The following CIP2A variants were observed in gnomAD, a reference collection of about 807,000 sequenced individuals.
CIP2A encodes cellular inhibitor of PP2A.
CIP2A carries 103 observed loss-of-function variants against 110.9 expected under a neutral mutation model. The ratio of observed to expected loss-of-function variants is 0.93; its 90% CI spans 0.79 to 1.09. The LOEUF (loss-of-function observed/expected upper bound fraction) is 1.09. Among genes scored for constraint, CIP2A ranks in the 50% least tolerant of loss-of-function variants. CIP2A has a pLI of 0.00. For synonymous variants in CIP2A, 381 were observed against 361.6 expected, an observed-to-expected ratio of 1.05 and a Z score of -0.61; for missense variants, 1,088 against 1,038.4, an observed-to-expected ratio of 1.05 and a Z score of -0.66.
chr3:108,575,893 A>ATAC (rs370166708), intron 8 of CIP2A, among the ~76,000 whole-genome samples: 889 of 70,964 alleles, frequency 0.013, 265 homozygotes, highest in East Asian at 0.045. Context: ...CATGTGTATG[A>ATAC]GTATATATAC....
intron 4 of CIP2A, 58 bp downstream of exon 4, chr3:108,582,050 T>C: frequency 1.3e-6 from 1 of 795,252 alleles, no homozygotes; most frequent in Non-Finnish European, 2.0e-6. Context: ...TACCACATGG[T>C]TGTAATTTAA....
At chr3:108,572,517 A>C (rs2969902) in intron 8 of CIP2A, among the ~76,000 whole-genome samples, 97,129 of 151,656 alleles carry the variant, frequency 0.64, 31,622 homozygotes, top group African/African-American at 0.76. Context: ...CTGCTCCATT[A>C]TGTTCCACTG....
chr3:108,560,001 T>C lies in CIP2A; in HGVS notation c.1855A>G (p.Ile619Val). 6.2e-7 allele frequency: 1 copy of C among 1,600,386 alleles called. No individual in the cohort carries two copies. The highest frequency in any genetic ancestry group is 8.5e-7 in the Non-Finnish European group (1 of 1,169,828). The change falls in exon 15 of 21, where the codon ATA becomes GTA. Residue 619 changes from isoleucine to valine, a missense_variant. Ile to Val is a conservative substitution (Grantham distance 29). Transcript: ENST00000295746. The stretch of plus-strand genomic sequence containing the variant: ...TCATATACATCCATTATGTCAGATA[T>C]TCTCACATCACAAATCTGATCCTTT... ...VVKDQICDVRISDIMDVYEMK... is the reference protein window; with the variant it reads ...VVKDQICDVRVSDIMDVYEMK...
intron 5 of CIP2A, among the ~76,000 whole-genome samples, chr3:108,580,947 G>A (rs1359489934): frequency 6.6e-6 from 1 of 152,108 alleles, no homozygotes; most frequent in African/African-American, 2.4e-5. Context: ...TTCTAAAAGT[G>A]ATTCAGTTAA....
intron 18 of CIP2A, among the ~76,000 whole-genome samples, chr3:108,554,175 C>T (rs957964873): frequency 6.6e-6 from 1 of 152,050 alleles, no homozygotes; most frequent in Admixed American, 6.6e-5. Flanking sequence ...GGATTATAGG[C>T]GTGAGCTACC....
chr3:108,580,988 T>G (rs1030033182), intron 5 of CIP2A, among the ~76,000 whole-genome samples: 4 of 152,232 alleles, frequency 2.6e-5, no homozygotes, highest in African/African-American at 7.2e-5. Flanking sequence ...TTATCACAAG[T>G]ACTGTTGGTT....
rs76532490 is a variant in CIP2A at position 108,563,404 on chromosome 3, T to C, written c.1516-160A>G. Among the ~76,000 whole-genome samples the C allele has an allele frequency of 3.0e-4, 45 of 152,228 alleles. 1 individual carries two copies. In the East Asian group the frequency reaches 8.5e-3, roughly 29 times the overall value. Reference sequence around the variant, plus strand: ...TTATAGTCTATATAGTTTGAATATATTATACCTTGTTATAGCTGTTTACAC... The same window carrying C: ...TTATAGTCTATATAGTTTGAATATACTATACCTTGTTATAGCTGTTTACAC... On this transcript the variant is annotated intron_variant, in intron 12 of 20. Coordinates refer to ENST00000295746, the MANE Select transcript of CIP2A (RefSeq NM_020890.3).
At chr3:108,584,847 T>C (rs1447787782) in intron 2 of CIP2A, 1 of 389,104 alleles carries the variant, frequency 2.6e-6, no homozygotes, top group African/African-American at 2.1e-5. Flanking sequence ...TCAGTACTTT[T>C]ACCCTTTAGT....
rs1402911664 is a variant in CIP2A at position 108,560,745 on chromosome 3, A to G, written c.1731T>C (p.Phe577=). The G allele has an allele frequency of 1.9e-6, 3 of 1,612,564 alleles. No individual in the cohort carries two copies. The highest frequency in any genetic ancestry group is 3.3e-5 in the Admixed American group (2 of 59,966). ...GAGTTAAACACTTTATTGATGTTGG[A>G]AAACTGTGATTTGATGATTGCCAGG... is the stretch of plus-strand genomic sequence containing the variant. ...KMPWQSSNHS[F]PTSIKCLTPH... Residue 577 remains phenylalanine (F), a synonymous_variant, in exon 14 of 21, where the codon TTT becomes TTC. Coordinates refer to ENST00000295746, the MANE Select transcript of CIP2A (RefSeq NM_020890.3).
Position 108,563,254 on chromosome 3 carries a change from T to G in CIP2A, c.1516-10A>C. The G allele has an allele frequency of 6.7e-7, 1 of 1,502,592 alleles. No homozygotes were observed. The highest frequency in any genetic ancestry group is 9.2e-7 in the Non-Finnish European group (1 of 1,081,344). 93.1% of individuals were successfully genotyped at this position (1,502,592 alleles called of 1,614,324 possible). Reference sequence around the variant, plus strand: ...TAATCAAACGTGGGTCCTAAATAAATCAGAAACCAAAAAAGAAGCAGCAGA... The same window carrying G: ...TAATCAAACGTGGGTCCTAAATAAAGCAGAAACCAAAAAAGAAGCAGCAGA... On this transcript the variant is annotated splice_polypyrimidine_tract_variant and intron_variant, in intron 12 of 20. Coordinates refer to ENST00000295746, the MANE Select transcript of CIP2A (RefSeq NM_020890.3).
In CIP2A at chr3:108,560,553, TG is replaced by T. The variant is rs1477937755; in HGVS notation, c.1827+95del. The T allele has an allele frequency of 2.9e-5, 20 of 688,858 alleles. 1 individual carries two copies. In the East Asian group the frequency reaches 5.7e-4, roughly 20 times the overall value. 42.7% of individuals were successfully genotyped at this position (688,858 alleles called of 1,614,324 possible). On this transcript the variant is annotated intron_variant, in intron 14 of 20. Coordinates refer to ENST00000295746, the MANE Select transcript of CIP2A (RefSeq NM_020890.3). The stretch of plus-strand genomic sequence containing the variant: ...ATTTCTTATATTAAGGTTTCAATAG[TG>T]AAATCTGTACCTGACAGTGTTTAGA...
intron 4 of CIP2A, among the ~76,000 whole-genome samples, chr3:108,581,761 C>A (rs1252234451): frequency 6.6e-6 from 1 of 152,102 alleles, no homozygotes; most frequent in East Asian, 1.9e-4. Flanking sequence ...TCAGCGTGGA[C>A]CATGTGCTGT....
At chr3:108,555,191 G>A (rs911404473) in intron 17 of CIP2A, among the ~76,000 whole-genome samples, 2 of 152,150 alleles carry the variant, frequency 1.3e-5, no homozygotes, top group Non-Finnish European at 2.9e-5. Context: ...TCACTAGCTG[G>A]AACATAAGCA....
At chr3:108,560,936 CT>C (rs1303952975) in intron 13 of CIP2A, 95 bp from the exon 14 acceptor site, 11 of 710,384 alleles carry the variant, frequency 1.5e-5, no homozygotes, top group East Asian at 2.8e-5. Flanking sequence ...AGAATGGGTC[CT>C]TTTTTTGAAT....
chr3:108,554,583 A>G, intron 17 of CIP2A, 94 bp from the exon 18 acceptor site: 1 of 602,444 alleles, frequency 1.7e-6, no homozygotes, highest in Non-Finnish European at 3.0e-6. Context: ...ATCTCTTCTA[A>G]CCAAATTGCA....
chr3:108,583,543 GA>G (rs1232677435), intron 2 of CIP2A, among the ~76,000 whole-genome samples: 1 of 152,112 alleles, frequency 6.6e-6, no homozygotes, highest in Non-Finnish European at 1.5e-5. Context: ...TAAAAAAGTT[GA>G]TCTCATGGAA....
Position 108,582,209 on chromosome 3 carries a change from A to G in CIP2A, c.358-7T>C, listed in dbSNP as rs780642285. 6.9e-6 allele frequency: 8 copies of G among 1,163,832 alleles called. No homozygotes were observed. The highest frequency in any genetic ancestry group is 1.0e-5 in the Non-Finnish European group (8 of 803,378). 72.1% of individuals were successfully genotyped at this position (1,163,832 alleles called of 1,614,324 possible). A position where few individuals can be genotyped will look rare whatever the true frequency, so the allele number is the denominator to read the frequency against. On this transcript the variant is annotated splice_region_variant and splice_polypyrimidine_tract_variant and intron_variant, in intron 3 of 20. Transcript: ENST00000295746. The stretch of plus-strand genomic sequence containing the variant: ...TCTGTAGAAGTTGAATGCACTGAGA[A>G]TAAGAAAATAGTTATAAATATAAAG...
chr3:108,580,098 T>C (rs1269287959), intron 5 of CIP2A, among the ~76,000 whole-genome samples: 1 of 152,218 alleles, frequency 6.6e-6, no homozygotes, highest in Non-Finnish European at 1.5e-5. Flanking sequence ...TAGCATTTGT[T>C]AGCATTTGTG....
chr3:108,573,236 A>G (rs573118355), intron 8 of CIP2A, among the ~76,000 whole-genome samples: 1 of 151,826 alleles, frequency 6.6e-6, no homozygotes, highest in Non-Finnish European at 1.5e-5. Flanking sequence ...AAAGATATTG[A>G]GCTATAATTT....
Sources: allele counts gnomAD v4.1 joint callset (sites outside exome capture counted in the v4.1 genomes callset), GRCh38; gene constraint gnomAD v4.1.1; transcripts MANE v1.5; gene names NCBI Gene and HGNC (gene_info 2026-07-23, HGNC 2026-07-21).